The following DSE variants were observed in gnomAD, a reference collection of about 807,000 sequenced individuals.
The protein encoded by DSE is dermatan-sulfate epimerase.
Under a neutral mutation model 84.4 loss-of-function variants are expected in DSE, and 36 were observed. The ratio of observed to expected loss-of-function variants is 0.43; its 90% CI spans 0.33 to 0.56. The LOEUF (loss-of-function observed/expected upper bound fraction) is 0.56, where lower values mean the gene tolerates loss of function less well. Among genes scored for constraint, DSE ranks in the 20% least tolerant of loss-of-function variants. DSE has a pLI of 0.06. For missense variants in DSE, 862 were observed against 1,169.6 expected (o/e 0.74, Z 3.84); for synonymous variants, 410 against 430.1 (o/e 0.95, Z 0.58).
chr6:116,358,663 C>A (rs2114872597), intron 2 of DSE, among the ~76,000 whole-genome samples: 1 of 152,320 alleles, frequency 6.6e-6, no homozygotes, highest in South Asian at 2.1e-4. Flanking sequence ...ATTGGAAGAG[C>A]TACGTGGTCC....
upstream of DSE, chr6:116,370,723 G>C: frequency 1.3e-6 from 1 of 796,524 alleles, no homozygotes; most frequent in Non-Finnish European, 1.5e-6. Flanking sequence ...GCACAGCTGC[G>C]AGCGGCGAGT....
At chr6:116,332,579 G>A (rs1182651643) in intron 2 of DSE, among the ~76,000 whole-genome samples, 1 of 151,938 alleles carries the variant, frequency 6.6e-6, no homozygotes, top group Non-Finnish European at 1.5e-5. Flanking sequence ...GGTAAGAATA[G>A]ACAAAAATCA....
chr6:116,382,029 A>T (rs982040256), intron 1 of DSE, among the ~76,000 whole-genome samples: 1 of 108,416 alleles, frequency 9.2e-6, no homozygotes, highest in Non-Finnish European at 1.9e-5. Context: ...TCATCTTCAC[A>T]TGGCATTCTG....
intron 2 of DSE, among the ~76,000 whole-genome samples, chr6:116,339,660 G>A (rs1415082558): frequency 2.0e-5 from 3 of 152,214 alleles, no homozygotes; most frequent in African/African-American, 4.8e-5. Context: ...GCAGCAGTGG[G>A]AATGAAGAGG....
rs1380171393 is a variant in DSE at position 116,440,528 on chromosome 6, TAAGAG to T, written c.*3186_*3190del. ...AAGAATCTGAAATTTCTCCAAGTGT[TAAGAG>T]AAAGCAAGCTATGAAATGCTATATT... is the stretch of plus-strand genomic sequence containing the variant. On this transcript the variant is annotated 3_prime_UTR_variant, in exon 6 of 6. Transcript: ENST00000644252. 6.6e-6 allele frequency: 1 copy of T among 152,164 alleles called. No individual in the cohort carries two copies. Among genetic ancestry groups the T allele is most frequent in the Non-Finnish European group, 1.5e-5 (1 of 68,022 alleles). The allele number at this position is 152,164 out of a possible 1,614,324, so 9.4% of individuals were successfully genotyped here.
At chr6:116,352,414 C>A (rs1284791976) in intron 2 of DSE, among the ~76,000 whole-genome samples, 3 of 152,116 alleles carry the variant, frequency 2.0e-5, no homozygotes, top group African/African-American at 7.2e-5. Context: ...TGATAAAATA[C>A]CTGCTCCAGA....
intron 2 of DSE, among the ~76,000 whole-genome samples, chr6:116,405,706 A>C (rs1781879843): frequency 6.6e-6 from 1 of 152,228 alleles, no homozygotes; most frequent in African/African-American, 2.4e-5. Flanking sequence ...CACTTCTTGA[A>C]TGCCGTTTAT....
At chr6:116,346,230 A>G (rs534493158) in intron 2 of DSE, among the ~76,000 whole-genome samples, 395 of 152,342 alleles carry the variant, frequency 2.6e-3, no homozygotes, top group African/African-American at 9.2e-3. Flanking sequence ...AACTATTCCA[A>G]TCAATAGAAA....
At chr6:116,384,382 C>A (rs561970212) in intron 1 of DSE, among the ~76,000 whole-genome samples, 11 of 152,104 alleles carry the variant, frequency 7.2e-5, no homozygotes, top group Non-Finnish European at 1.2e-4. Context: ...CAGTGGTCTG[C>A]GATTAGAGGC....
chr6:116,329,218 C>T (rs2114784718), intron 2 of DSE, among the ~76,000 whole-genome samples: 1 of 152,232 alleles, frequency 6.6e-6, no homozygotes, highest in East Asian at 1.9e-4. Context: ...TTGTTTATTT[C>T]AAGAATAAGC....
intron 1 of DSE, among the ~76,000 whole-genome samples, chr6:116,382,883 GT>G (rs2114951588): frequency 6.6e-6 from 1 of 152,294 alleles, no homozygotes; most frequent in African/African-American, 2.4e-5. Flanking sequence ...TATCCCCAGA[GT>G]GATAGAAATT....
At chr6:116,313,972 A>T (rs926909774) in intron 2 of DSE, among the ~76,000 whole-genome samples, 1 of 152,202 alleles carries the variant, frequency 6.6e-6, no homozygotes, top group African/African-American at 2.4e-5. Context: ...ACCTAGGCAG[A>T]TAGCTGTTTT....
intron 2 of DSE, among the ~76,000 whole-genome samples, chr6:116,357,963 G>A (rs1014651799): frequency 6.6e-6 from 1 of 152,154 alleles, no homozygotes; most frequent in Admixed American, 6.5e-5. Flanking sequence ...ATTAACCCAA[G>A]TCACTGATAA....
At position 116,431,149 on chromosome 6, in the gene DSE, G is replaced by A. The variant is rs1783811520; in HGVS notation, c.866G>A (p.Trp289Ter). The A allele has an allele frequency of 1.2e-6, 2 of 1,614,122 alleles. No homozygotes were observed. Among genetic ancestry groups the A allele is most frequent in the Non-Finnish European group, 1.7e-6 (2 of 1,180,012 alleles). The part of the protein sequence containing the change: ...HFNINHFGHP[W>*]LKQHFAFMYR... ...AACATCAACCACTTTGGCCATCCGT[G>A]GCTTAAACAACACTTTGCATTTATG... is the stretch of plus-strand genomic sequence containing the variant. The change falls in exon 4 of 6, where the codon TGG (tryptophan) becomes TAG (stop). Residue 289 changes from tryptophan (W) to a stop codon, truncating the protein, a stop_gained. Transcript: ENST00000644252. LOFTEE classifies it high-confidence loss of function.
At chr6:116,352,157 T>G (rs956468869) in intron 2 of DSE, among the ~76,000 whole-genome samples, 4 of 152,218 alleles carry the variant, frequency 2.6e-5, no homozygotes, top group African/African-American at 9.6e-5. Flanking sequence ...AGGAACCAAT[T>G]AGATGTCTAG....
At chr6:116,273,299 C>G (rs1034036270) in intron 2 of DSE, among the ~76,000 whole-genome samples, 1 of 152,042 alleles carries the variant, frequency 6.6e-6, no homozygotes, top group African/African-American at 2.4e-5. Context: ...ACCTTAAATA[C>G]AAATCCTAAA....
intron 2 of DSE, among the ~76,000 whole-genome samples, chr6:116,301,202 C>T (rs954107890): frequency 3.3e-5 from 5 of 152,016 alleles, no homozygotes; most frequent in Non-Finnish European, 7.4e-5. Flanking sequence ...CCAGAGAGCA[C>T]ACAAACATAG....
At chr6:116,414,124 T>C (rs982963485) in intron 2 of DSE, among the ~76,000 whole-genome samples, 1 of 152,170 alleles carries the variant, frequency 6.6e-6, no homozygotes, top group African/African-American at 2.4e-5. Flanking sequence ...CAAAATACCA[T>C]AGACTAGGTG....
At chr6:116,330,011 G>C (rs146831330) in intron 2 of DSE, among the ~76,000 whole-genome samples, 1,918 of 152,198 alleles carry the variant, frequency 0.013, 45 homozygotes, top group African/African-American at 0.044. Flanking sequence ...TTTTAGTAGA[G>C]ATGGGGTTTC....
Sources: allele counts gnomAD v4.1 joint callset (sites outside exome capture counted in the v4.1 genomes callset), GRCh38; gene constraint gnomAD v4.1.1; transcripts MANE v1.5; gene names NCBI Gene and HGNC (gene_info 2026-07-23, HGNC 2026-07-21).